ADGRL3: variants seen among roughly 807,000 people sequenced by gnomAD.
ADGRL3 encodes the protein calcium-independent alpha-latrotoxin receptor 3.
Under a neutral mutation model 153.5 loss-of-function variants are expected in ADGRL3, and 62 were observed. The ratio of observed to expected loss-of-function variants is 0.40; its 90% CI spans 0.33 to 0.50. The LOEUF (loss-of-function observed/expected upper bound fraction) is 0.50, where lower values mean the gene tolerates loss of function less well. Among genes scored for constraint, ADGRL3 ranks in the 20% least tolerant of loss-of-function variants. The pLI, the probability that ADGRL3 is intolerant of heterozygous loss-of-function variation, is 0.47. For missense variants in ADGRL3, 1,641 were observed against 1,859.4 expected (o/e 0.88, Z 2.16); for synonymous variants, 710 against 672.5 (o/e 1.06, Z -0.86).
chr4:61,539,184 A>C (rs976809206), intron 4 of ADGRL3, among the ~76,000 whole-genome samples: 1 of 152,140 alleles, frequency 6.6e-6, no homozygotes, highest in African/African-American at 2.4e-5. Flanking sequence ...TACACCCTTC[A>C]TGCAAACCTG....
At chr4:61,318,755 T>C (rs1288837962) in intron 1 of ADGRL3, among the ~76,000 whole-genome samples, 1 of 152,178 alleles carries the variant, frequency 6.6e-6, no homozygotes, top group Non-Finnish European at 1.5e-5. Context: ...CACCACACTT[T>C]TGCCCAGTTA....
chr4:61,686,431 T>C (rs961780324), intron 6 of ADGRL3, among the ~76,000 whole-genome samples: 2 of 152,064 alleles, frequency 1.3e-5, no homozygotes, highest in African/African-American at 4.8e-5. Context: ...ATCATGAATC[T>C]TATGAAACTA....
At chr4:61,537,278 T>C (rs1415213705) in intron 4 of ADGRL3, among the ~76,000 whole-genome samples, 2 of 152,054 alleles carry the variant, frequency 1.3e-5, no homozygotes, top group African/African-American at 2.4e-5. Context: ...ATTTCCTTAA[T>C]AAGTGATTTA....
chr4:61,251,005 T>G (rs745791817), intron 1 of ADGRL3, among the ~76,000 whole-genome samples: 1 of 152,192 alleles, frequency 6.6e-6, no homozygotes, highest in East Asian at 1.9e-4. Flanking sequence ...ACTAGATAAT[T>G]TAACTAGAGT....
intron 8 of ADGRL3, among the ~76,000 whole-genome samples, chr4:61,810,369 C>G (rs1228321257): frequency 6.6e-6 from 1 of 152,124 alleles, no homozygotes; most frequent in Non-Finnish European, 1.5e-5. Context: ...CCCAACTTCT[C>G]AAGATGTCAG....
intron 1 of ADGRL3, among the ~76,000 whole-genome samples, chr4:61,320,936 A>C (rs965101039): frequency 6.6e-6 from 1 of 152,038 alleles, no homozygotes; most frequent in Non-Finnish European, 1.5e-5. Context: ...TTGCTTTTTC[A>C]GCTGCTAGAG....
rs569073163 is a variant in ADGRL3 at position 61,847,605 on chromosome 4, AATATATT to A, written c.1480+33723_1480+33729del. Among the ~76,000 whole-genome samples, 44 of 72,120 alleles carry A rather than the reference AATATATT, an allele frequency of 6.1e-4. 7 individuals are homozygous for A. The highest frequency in any genetic ancestry group is 2.5e-3 in the African/African-American group (40 of 16,082). The allele number at this position is 72,120 out of a possible 152,430, so 47.3% of individuals were successfully genotyped here. The stretch of plus-strand genomic sequence containing the variant: ...GTGTGTGTATATATATATAATATAT[AATATATT>A]ATATATATAATATAAAATATATTAT... On this transcript the variant is annotated intron_variant, in intron 9 of 26. Transcript: ENST00000683033.
intron 5 of ADGRL3, among the ~76,000 whole-genome samples, chr4:61,660,272 G>A (rs569720830): frequency 6.6e-6 from 1 of 152,144 alleles, no homozygotes; most frequent in East Asian, 1.9e-4. Context: ...TTGATGTAAG[G>A]AGGTAAAGCT....
intron 5 of ADGRL3, among the ~76,000 whole-genome samples, chr4:61,642,801 G>T (rs1389516717): frequency 2.6e-5 from 4 of 151,934 alleles, no homozygotes; most frequent in African/African-American, 9.7e-5. Context: ...GAACTTTAAA[G>T]TAGTTTTTTC....
rs1330234176 is a variant in ADGRL3 at position 62,074,732 on chromosome 4, A to T, written c.*3824A>T. The T allele has an allele frequency of 6.6e-6, 1 of 152,174 alleles. No homozygotes were observed. The highest frequency in any genetic ancestry group is 1.5e-5 in the Non-Finnish European group (1 of 68,026). 9.4% of individuals were successfully genotyped at this position (152,174 alleles called of 1,614,324 possible). A position where few individuals can be genotyped will look rare whatever the true frequency, so the allele number is the denominator to read the frequency against. On this transcript the variant is annotated 3_prime_UTR_variant, in exon 27 of 27. Transcript: ENST00000683033. Reference sequence around the variant, plus strand: ...AAATTCACATTGACTCTAAATTAAGATGTAGTTTATCATCTGTATTTTAAA... The same window carrying T: ...AAATTCACATTGACTCTAAATTAAGTTGTAGTTTATCATCTGTATTTTAAA...
intron 8 of ADGRL3, among the ~76,000 whole-genome samples, chr4:61,803,575 A>G (rs1002808405): frequency 6.6e-6 from 1 of 152,084 alleles, no homozygotes; most frequent in Non-Finnish European, 1.5e-5. Context: ...GATATTTTTT[A>G]TATAATAAAG....
intron 1 of ADGRL3, among the ~76,000 whole-genome samples, chr4:61,340,990 A>G (rs984780670): frequency 9.2e-5 from 14 of 152,038 alleles, no homozygotes; most frequent in African/African-American, 3.4e-4. Flanking sequence ...TAGTTTTCCA[A>G]CAAAATTTAA....
intron 21 of ADGRL3, among the ~76,000 whole-genome samples, chr4:62,019,332 T>A (rs1309718934): frequency 6.6e-6 from 1 of 152,088 alleles, no homozygotes; most frequent in Non-Finnish European, 1.5e-5. Context: ...TGTAGTCATA[T>A]GCATATATAC....
At chr4:61,694,669 TTAAAA>T (rs201195393) in intron 6 of ADGRL3, among the ~76,000 whole-genome samples, 1,552 of 152,200 alleles carry the variant, frequency 0.01, 27 homozygotes, top group African/African-American at 0.034. Flanking sequence ...TGATAATTTC[TTAAAA>T]TAAAATAACA....
At chr4:61,956,455 G>A (rs1224891829) in intron 17 of ADGRL3, among the ~76,000 whole-genome samples, 1 of 152,128 alleles carries the variant, frequency 6.6e-6, no homozygotes, top group Non-Finnish European at 1.5e-5. Flanking sequence ...CAGATGGGTA[G>A]ATTGCAAAAT....
At chr4:61,523,687 C>A (rs913559283) in intron 4 of ADGRL3, among the ~76,000 whole-genome samples, 8 of 151,996 alleles carry the variant, frequency 5.3e-5, no homozygotes, top group African/African-American at 1.9e-4. Context: ...TTCTTTAAGA[C>A]CCTGTTTTTC....
Position 61,849,181 on chromosome 4 carries a change from C to A in ADGRL3, c.1480+35292C>A, listed in dbSNP as rs550662900. ...TCCACTTTGTCTAAGTTCTATCGAT[C>A]CTTTGCTCTATTTGAAATTGTTCTT... On this transcript the variant is annotated intron_variant, in intron 9 of 26. Transcript: ENST00000683033. 1.8e-3 allele frequency among the ~76,000 whole-genome samples: 281 copies of A among 152,210 alleles called. 2 individuals are homozygous for A. The highest frequency in any genetic ancestry group is 3.2e-3 in the Non-Finnish European group (217 of 67,986).
At position 62,070,556 on chromosome 4, in the gene ADGRL3, ACCACAGTGAGAGCTTTTT is replaced by A; in HGVS notation, c.4283_4300del (p.His1428_Phe1433del). 1 of 1,550,398 alleles carries A rather than the reference ACCACAGTGAGAGCTTTTT, an allele frequency of 6.4e-7. No homozygotes were observed. Among genetic ancestry groups the A allele is most frequent in the Non-Finnish European group, 8.7e-7 (1 of 1,146,842 alleles). On this transcript the variant is annotated inframe_deletion, in exon 27 of 27. Transcript: ENST00000683033. ...TATACCAGAAGGCGGATCCCCCAAG[ACCACAGTGAGAGCTTTTT>A]CCCTTTGCTAACCAACGAGCACACA...
At chr4:61,492,294 G>C (rs151069213) in intron 2 of ADGRL3, among the ~76,000 whole-genome samples, 1 of 152,138 alleles carries the variant, frequency 6.6e-6, no homozygotes, top group African/African-American at 2.4e-5. Flanking sequence ...TTTATAACAA[G>C]TGAAAAGTTA....
Sources: allele counts gnomAD v4.1 joint callset (sites outside exome capture counted in the v4.1 genomes callset), GRCh38; gene constraint gnomAD v4.1.1; transcripts MANE v1.5; gene names NCBI Gene and HGNC (gene_info 2026-07-23, HGNC 2026-07-21).